The following SLC31A1 variants were observed in gnomAD, a reference collection of about 807,000 sequenced individuals.
The protein encoded by SLC31A1 is solute carrier family 31 member 1, also known as high affinity copper uptake protein 1.
In SLC31A1, 5 loss-of-function variants were observed where a neutral mutation model predicts 17.2. That is an observed-to-expected ratio of 0.29 (90% confidence interval 0.15 to 0.61). The LOEUF (loss-of-function observed/expected upper bound fraction) is 0.61. Ranked by LOEUF, SLC31A1 falls within the 20% of genes least tolerant of loss-of-function variation. SLC31A1 has a pLI of 0.86. For synonymous variants in SLC31A1, 76 were observed against 78.8 expected (o/e 0.96, Z 0.19); for missense variants, 161 against 241.4 (o/e 0.67, Z 2.21).
chr9:113,242,506 A>G (rs926964552), intron 1 of SLC31A1, among the ~76,000 whole-genome samples: 1 of 152,106 alleles, frequency 6.6e-6, no homozygotes, highest in African/African-American at 2.4e-5. Context: ...GCTTAAAGCA[A>G]TCCTCCCACT....
chr9:113,260,152 TG>T, intron 4 of SLC31A1, 119 bp from the exon 5 acceptor site: 1 of 812,602 alleles, frequency 1.2e-6, no homozygotes. Context: ...CAAGTACCCA[TG>T]AGTTGCCAGA....
intron 2 of SLC31A1, chr9:113,256,493 T>G: frequency 4.1e-6 from 2 of 482,140 alleles, no homozygotes; most frequent in Non-Finnish European, 7.4e-6. Flanking sequence ...CTTCTTTCTT[T>G]GGTGGTCCCT....
At position 113,260,681 on chromosome 9, in the gene SLC31A1, A is replaced by G. The variant is rs1273872660; in HGVS notation, c.*208A>G. On this transcript the variant is annotated 3_prime_UTR_variant, in exon 5 of 5. Coordinates refer to ENST00000374212, the MANE Select transcript of SLC31A1 (RefSeq NM_001859.4). ...AGTAACCTCCCAAATTGTTTTTTCT[A>G]ATAAGCTGAGATTCCCATTTCTCTT... 3.3e-6 allele frequency: 2 copies of G among 598,946 alleles called. No individual in the cohort carries two copies. Among genetic ancestry groups the G allele is most frequent in the African/African-American group, 3.7e-5 (2 of 54,312 alleles). The allele number at this position is 598,946 out of a possible 1,614,324, so 37.1% of individuals were successfully genotyped here.
chr9:113,237,378 G>A (rs1015223444), intron 1 of SLC31A1, among the ~76,000 whole-genome samples: 7 of 152,156 alleles, frequency 4.6e-5, no homozygotes, highest in South Asian at 2.1e-4. Context: ...TGGTTTACCC[G>A]GAATGTAGAG....
intron 1 of SLC31A1, chr9:113,227,326 C>T (rs1831352260): frequency 6.6e-6 from 1 of 152,038 alleles, no homozygotes; most frequent in African/African-American, 2.4e-5. Context: ...AATCTCAGCT[C>T]ACTGCAACCT....
intron 4 of SLC31A1, among the ~76,000 whole-genome samples, chr9:113,259,712 G>A (rs1192623924): frequency 6.6e-6 from 1 of 151,208 alleles, no homozygotes; most frequent in Non-Finnish European, 1.5e-5. Flanking sequence ...AGCCTCCTAA[G>A]TAGCTGGAAC....
intron 1 of SLC31A1, among the ~76,000 whole-genome samples, chr9:113,226,103 G>A (rs968895991): frequency 6.0e-5 from 9 of 149,890 alleles, no homozygotes; most frequent in East Asian, 3.9e-4. Context: ...GCCACTGTGC[G>A]CCAACCTGGG....
intron 1 of SLC31A1, among the ~76,000 whole-genome samples, chr9:113,246,602 T>C (rs1188279396): frequency 6.6e-6 from 1 of 151,670 alleles, no homozygotes; most frequent in South Asian, 2.1e-4. Context: ...CTGCCTGCCT[T>C]GGCCTCCCAA....
chr9:113,252,435 A>G (rs2119011131), intron 1 of SLC31A1, among the ~76,000 whole-genome samples: 1 of 152,270 alleles, frequency 6.6e-6, no homozygotes, highest in Middle Eastern at 3.4e-3. Flanking sequence ...AGCTGGGACT[A>G]CAGGTGCCTG....
At position 113,260,579 on chromosome 9, in the gene SLC31A1, G is replaced by GTA; in HGVS notation, c.*107_*108dup. 1 of 590,134 alleles carries GTA rather than the reference G, an allele frequency of 1.7e-6. No individual in the cohort carries two copies. The highest frequency in any genetic ancestry group is 2.8e-6 in the Non-Finnish European group (1 of 352,636). The allele number at this position is 590,134 out of a possible 1,614,324, so 36.6% of individuals were successfully genotyped here. On this transcript the variant is annotated 3_prime_UTR_variant, in exon 5 of 5. Transcript: ENST00000374212. ...TCCCTTCTTGCTCCTCTTTGTGCAC[G>GTA]TACACACACACACACACACACACAC...
Position 113,256,193 on chromosome 9 carries a change from C to G in SLC31A1, c.45C>G (p.Asn15Lys). The G allele has an allele frequency of 6.2e-7, 1 of 1,613,022 alleles. No individual in the cohort carries two copies. Among genetic ancestry groups the G allele is most frequent in the Non-Finnish European group, 8.5e-7 (1 of 1,180,002 alleles). ...TGGGGATGAGCTATATGGACTCCAA[C>G]AGTACCATGCAACCTTCTCACCATC... ...HHMGMSYMDS[N>K]STMQPSHHHP... is the part of the protein sequence containing the mutation. The change falls in exon 2 of 5, where the codon AAC becomes AAG. Residue 15 changes from asparagine to lysine, a missense_variant. Asn to Lys is a moderately conservative substitution (Grantham distance 94). Transcript: ENST00000374212.
At chr9:113,244,258 A>G (rs192863419) in intron 1 of SLC31A1, among the ~76,000 whole-genome samples, 1 of 151,472 alleles carries the variant, frequency 6.6e-6, no homozygotes, top group East Asian at 1.9e-4. Context: ...TTGTTTGCCT[A>G]GATCATTGGC....
chr9:113,230,901 A>G (rs935422023), intron 1 of SLC31A1, among the ~76,000 whole-genome samples: 2 of 152,110 alleles, frequency 1.3e-5, no homozygotes, highest in Non-Finnish European at 2.9e-5. Context: ...TTCTAGGTAC[A>G]ATAAGCCATT....
Position 113,259,970 on chromosome 9 carries a change from G to A in SLC31A1, c.372-302G>A, listed in dbSNP as rs79952948. On this transcript the variant is annotated intron_variant, in intron 4 of 4. Coordinates refer to ENST00000374212, the MANE Select transcript of SLC31A1 (RefSeq NM_001859.4). ...GGCAGATGAGCGTGAGAGGGTTTAC[G>A]GCTTCCCTTTCAGGATCTAAGGTGG... 1.0e-2 allele frequency among the ~76,000 whole-genome samples: 1,516 copies of A among 152,258 alleles called. 13 individuals are homozygous for A. Among genetic ancestry groups the A allele is most frequent in the Non-Finnish European group, 0.015 (1,037 of 68,012 alleles).
rs914377406 is a variant in SLC31A1, at chr9:113,243,029, C to T, written c.-35-13085C>T. Among the ~76,000 whole-genome samples the T allele has an allele frequency of 8.0e-5, 12 of 150,730 alleles. No homozygotes were observed. The East Asian group carries it at 1.9e-3, about 24-fold the overall frequency. ...TCCCAAGAGCTTTGTGTTTTATACG[C>T]TAGGCTTCTAAGCCTCCCAAGGGCT... is the stretch of plus-strand genomic sequence containing the variant. On this transcript the variant is annotated intron_variant, in intron 1 of 4. Coordinates refer to ENST00000374212, the MANE Select transcript of SLC31A1 (RefSeq NM_001859.4).
chr9:113,255,754 T>C (rs1301258854), intron 1 of SLC31A1: 1 of 160,560 alleles, frequency 6.2e-6, no homozygotes, highest in African/African-American at 2.4e-5. Flanking sequence ...TCTGCTACAG[T>C]CTCCAAAAGT....
At chr9:113,230,603 G>T (rs982912862) in intron 1 of SLC31A1, among the ~76,000 whole-genome samples, 1 of 151,992 alleles carries the variant, frequency 6.6e-6, no homozygotes, top group African/African-American at 2.4e-5. Flanking sequence ...ATATTTATGG[G>T]GTACAGTGTG....
chr9:113,227,103 A>G (rs930434728), intron 1 of SLC31A1, among the ~76,000 whole-genome samples: 5 of 152,154 alleles, frequency 3.3e-5, no homozygotes, highest in African/African-American at 1.2e-4. Context: ...TAGTGAAAGA[A>G]TAGTCTGAGT....
chr9:113,228,514 T>A (rs1831366709), intron 1 of SLC31A1, among the ~76,000 whole-genome samples: 1 of 152,238 alleles, frequency 6.6e-6, no homozygotes, highest in Non-Finnish European at 1.5e-5. Flanking sequence ...ACCAGGCAAA[T>A]AAAAGCTTTT....
Sources: allele counts gnomAD v4.1 joint callset (sites outside exome capture counted in the v4.1 genomes callset), GRCh38; gene constraint gnomAD v4.1.1; transcripts MANE v1.5; gene names NCBI Gene and HGNC (gene_info 2026-07-23, HGNC 2026-07-21).